The following AGAP1 variants were observed in gnomAD, a reference collection of about 807,000 sequenced individuals.
AGAP1 encodes arf-GAP with GTPase, ANK repeat and PH domain-containing protein 1.
Under a neutral mutation model 105.3 loss-of-function variants are expected in AGAP1, and 29 were observed. The observed-to-expected ratio is 0.28, with a 90% CI of 0.21 to 0.38. AGAP1 has a LOEUF of 0.38. Among genes scored for constraint, AGAP1 ranks in the 10% least tolerant of loss-of-function variants. The probability of loss-of-function intolerance (pLI) is 1.00; values close to 1 mark genes in which losing one functional copy is unlikely to be tolerated. For synonymous variants in AGAP1, 509 were observed against 485.9 expected, an observed-to-expected ratio of 1.05 and a Z score of -0.63; for missense variants, 998 against 1,165.1, an observed-to-expected ratio of 0.86 and a Z score of 2.09.
intron 1 of AGAP1, among the ~76,000 whole-genome samples, chr2:235,604,074 A>ATT (rs58547716): frequency 1.5e-4 from 22 of 149,246 alleles, no homozygotes; most frequent in Non-Finnish European, 2.4e-4. Context: ...TTATTTGCTC[A>ATT]TTTTTTTTTT....
At position 236,035,780 on chromosome 2, in the gene AGAP1, T is replaced by C. The variant is rs1405378795; in HGVS notation, c.1646-781T>C. ...TGTCTCCTATGGACCAGGTCCCAAGTCCGCATGGGTCTGTACACTTCATGG... is the reference window on the plus strand; with the variant it reads ...TGTCTCCTATGGACCAGGTCCCAAGCCCGCATGGGTCTGTACACTTCATGG... On this transcript the variant is annotated intron_variant, in intron 13 of 17. Transcript: ENST00000304032. This position sits in a 1 kb window ranked among gnomAD's most constrained non-coding sequence, Gnocchi z 4.2. Among the ~76,000 whole-genome samples, 3 of 152,120 alleles carry C rather than the reference T, an allele frequency of 2.0e-5. No individual in the cohort carries two copies. In the East Asian group the frequency reaches 5.8e-4, roughly 29 times the overall value.
Position 235,504,529 on chromosome 2 carries a change from G to T in AGAP1, c.163+9680G>T, listed in dbSNP as rs530404087. Among the ~76,000 whole-genome samples, 3 of 152,180 alleles carry T rather than the reference G, an allele frequency of 2.0e-5. No individual in the cohort carries two copies. In the South Asian group the frequency reaches 6.2e-4, roughly 32 times the overall value. ...TGGCTGCCTGTTTCGGGGGCTGTCA[G>T]TGTTTGAGTGGCTGCCTGTTTTGGG... is the stretch of plus-strand genomic sequence containing the variant. On this transcript the variant is annotated intron_variant, in intron 1 of 17. Transcript: ENST00000304032.
chr2:235,770,080 C>T (rs1955301152), intron 6 of AGAP1, among the ~76,000 whole-genome samples: 2 of 151,794 alleles, frequency 1.3e-5, no homozygotes, highest in Admixed American at 6.6e-5. Context: ...TATAATCCCA[C>T]CTCCTAGTAA....
intron 16 of AGAP1, among the ~76,000 whole-genome samples, chr2:236,068,763 G>A (rs1411030991): frequency 5.5e-4 from 75 of 135,752 alleles, no homozygotes; most frequent in Admixed American, 1.5e-3. Context: ...TCGCGCCACT[G>A]CACTCCAGCC....
intron 9 of AGAP1, among the ~76,000 whole-genome samples, chr2:235,808,743 G>A (rs907158178): frequency 2.6e-5 from 4 of 152,146 alleles, no homozygotes; most frequent in East Asian, 1.9e-4. Context: ...CTACTGGGCC[G>A]CAAATATATG....
In AGAP1 at chr2:236,124,176, A is replaced by T; in HGVS notation, c.*54A>T. 1 of 1,584,858 alleles carries T rather than the reference A, an allele frequency of 6.3e-7. No individual in the cohort carries two copies. The highest frequency in any genetic ancestry group is 1.7e-5 in the Admixed American group (1 of 57,768). On this transcript the variant is annotated 3_prime_UTR_variant, in exon 18 of 18. Coordinates refer to ENST00000304032, the MANE Select transcript of AGAP1 (RefSeq NM_001037131.3). This position sits in a 1 kb window ranked among gnomAD's most constrained non-coding sequence, Gnocchi z 5.1. ...ACCTGGGACGCGGCAGCCTCGCCGC[A>T]TTCTCGCTCAGAAGTCGCAGCACGT...
rs1946078475 is a variant in AGAP1, at chr2:235,610,132, G to A, written c.164-99047G>A. Among the ~76,000 whole-genome samples the A allele has an allele frequency of 6.6e-6, 1 of 152,118 alleles. No homozygotes were observed. Among genetic ancestry groups the A allele is most frequent in the African/African-American group, 2.4e-5 (1 of 41,424 alleles). ...GGTGACAGGCTTGTCTCCACCATTG[G>A]AGTAAGCTCCAGCCCAGCTCCTGGC... is the stretch of plus-strand genomic sequence containing the variant. On this transcript the variant is annotated intron_variant, in intron 1 of 17. Coordinates refer to ENST00000304032, the MANE Select transcript of AGAP1 (RefSeq NM_001037131.3). This position sits in a 1 kb window ranked among gnomAD's most constrained non-coding sequence, Gnocchi z 4.9.
In AGAP1 at chr2:235,739,522, G is replaced by A. The variant is rs944279897; in HGVS notation, c.311-1441G>A. Among the ~76,000 whole-genome samples, 8 of 152,220 alleles carry A rather than the reference G, an allele frequency of 5.3e-5. No homozygotes were observed. Among genetic ancestry groups the A allele is most frequent in the Non-Finnish European group, 1.2e-4 (8 of 68,038 alleles). ...TACCGTCTTGTTTCAGTGACTGGGG[G>A]GACAGCAAAATGAGAGTTTATCTGC... On this transcript the variant is annotated intron_variant, in intron 3 of 17. Coordinates refer to ENST00000304032, the MANE Select transcript of AGAP1 (RefSeq NM_001037131.3). The surrounding 1 kb of genome is among the most constrained non-coding windows in gnomAD (Gnocchi z 5.3).
rs10571046 is a variant in AGAP1 at position 235,845,602 on chromosome 2, AC to A, written c.1051-37733del. On this transcript the variant is annotated intron_variant, in intron 9 of 17. Transcript: ENST00000304032. The surrounding 1 kb of genome is among the most constrained non-coding windows in gnomAD (Gnocchi z 4.8). ...TTTCCTTCCAGTTATTCCTTTCCTG[AC>A]CCCCCCCCCGATCTGCTTTTTAATT... is the stretch of plus-strand genomic sequence containing the variant. Among the ~76,000 whole-genome samples, 22,505 of 150,596 alleles carry A rather than the reference AC, an allele frequency of 0.15. 2,040 individuals are homozygous for A. Among genetic ancestry groups the A allele is most frequent in the South Asian group, 0.23 (1,073 of 4,612 alleles).
Position 235,736,740 on chromosome 2 carries a change from C to T in AGAP1, c.311-4223C>T, listed in dbSNP as rs1483705554. Reference sequence around the variant, plus strand: ...CCGTGGTCCCAGCTACTCAGGGAGGCTGAGGTGGGAGGATCTTTTGAGCCT... The same window carrying T: ...CCGTGGTCCCAGCTACTCAGGGAGGTTGAGGTGGGAGGATCTTTTGAGCCT... On this transcript the variant is annotated intron_variant, in intron 3 of 17. Transcript: ENST00000304032. This position sits in a 1 kb window ranked among gnomAD's most constrained non-coding sequence, Gnocchi z 5.5. 6.6e-6 allele frequency among the ~76,000 whole-genome samples: 1 copy of T among 152,106 alleles called. No individual in the cohort carries two copies. Among genetic ancestry groups the T allele is most frequent in the Non-Finnish European group, 1.5e-5 (1 of 68,016 alleles).
At chr2:235,925,712 GTTT>G (rs2052414221) in intron 11 of AGAP1, among the ~76,000 whole-genome samples, 2 of 152,154 alleles carry the variant, frequency 1.3e-5, no homozygotes, top group Admixed American at 1.3e-4. Context: ...GGCCACGTGG[GTTT>G]AGGTCCCCTG....
rs1311254930 is a variant in AGAP1, at chr2:235,905,854, C to A, written c.1156-2884C>A. Reference sequence around the variant, plus strand: ...CAGCGCAGTCCTGAGAATTCCTGTGCCGCTTCCAGCTCTAGCTTTCCTTCC... The same window carrying A: ...CAGCGCAGTCCTGAGAATTCCTGTGACGCTTCCAGCTCTAGCTTTCCTTCC... On this transcript the variant is annotated intron_variant, in intron 10 of 17. Coordinates refer to ENST00000304032, the MANE Select transcript of AGAP1 (RefSeq NM_001037131.3). The surrounding 1 kb of genome is among the most constrained non-coding windows in gnomAD (Gnocchi z 4.2). 6.6e-6 allele frequency among the ~76,000 whole-genome samples: 1 copy of A among 152,252 alleles called. No homozygotes were observed. Among genetic ancestry groups the A allele is most frequent in the Non-Finnish European group, 1.5e-5 (1 of 68,050 alleles).
In AGAP1 at chr2:235,551,529, G is replaced by A. The variant is rs1018764235; in HGVS notation, c.163+56680G>A. 1.3e-5 allele frequency among the ~76,000 whole-genome samples: 2 copies of A among 152,044 alleles called. No homozygotes were observed. Among genetic ancestry groups the A allele is most frequent in the African/African-American group, 4.8e-5 (2 of 41,394 alleles). On this transcript the variant is annotated intron_variant, in intron 1 of 17. Coordinates refer to ENST00000304032, the MANE Select transcript of AGAP1 (RefSeq NM_001037131.3). The surrounding 1 kb of genome is among the most constrained non-coding windows in gnomAD (Gnocchi z 4.8). ...ACTCAGATTGGTCTCTAACTCCTGGGCTCAAGGGATACACCTACCTCAGCC... is the reference window on the plus strand; with the variant it reads ...ACTCAGATTGGTCTCTAACTCCTGGACTCAAGGGATACACCTACCTCAGCC...
chr2:235,984,925 G>A (rs370618984), intron 13 of AGAP1, among the ~76,000 whole-genome samples: 20 of 152,236 alleles, frequency 1.3e-4, no homozygotes, highest in African/African-American at 4.6e-4. Context: ...GTGTGAATGT[G>A]TTTTTATAGC....
chr2:235,810,833 CTTTTTTTTTTT>C (rs76910320), intron 9 of AGAP1, among the ~76,000 whole-genome samples: 1 of 113,130 alleles, frequency 8.8e-6, no homozygotes, highest in South Asian at 2.9e-4. Flanking sequence ...AATTCGGTTT[CTTTTTTTTTTT>C]TTTTTTTTTT....
rs1559323643 is a variant in AGAP1, at chr2:235,663,927, A to G, written c.164-45252A>G. Among the ~76,000 whole-genome samples, 1 of 151,984 alleles carries G rather than the reference A, an allele frequency of 6.6e-6. No individual in the cohort carries two copies. Among genetic ancestry groups the G allele is most frequent in the East Asian group, 1.9e-4 (1 of 5,172 alleles). On this transcript the variant is annotated intron_variant, in intron 1 of 17. Transcript: ENST00000304032. This position sits in a 1 kb window ranked among gnomAD's most constrained non-coding sequence, Gnocchi z 5.4. ...TAGGAAGATTAGATAATGTGTAGGGATTTCTTGGTTTTTCTGCACAAAAGC... is the reference window on the plus strand; with the variant it reads ...TAGGAAGATTAGATAATGTGTAGGGGTTTCTTGGTTTTTCTGCACAAAAGC...
Position 236,036,416 on chromosome 2 carries a change from C to G in AGAP1, c.1646-145C>G. On this transcript the variant is annotated intron_variant, in intron 13 of 17. Coordinates refer to ENST00000304032, the MANE Select transcript of AGAP1 (RefSeq NM_001037131.3). The surrounding 1 kb of genome is among the most constrained non-coding windows in gnomAD (Gnocchi z 5.7). ...TTGGGAGGTGCATGGATTCAAATCTCCGCCGCCGTGGTTGTCCAGTGCCGT... is the reference window on the plus strand; with the variant it reads ...TTGGGAGGTGCATGGATTCAAATCTGCGCCGCCGTGGTTGTCCAGTGCCGT... 9.3e-7 allele frequency: 1 copy of G among 1,078,014 alleles called. No individual in the cohort carries two copies. The highest frequency in any genetic ancestry group is 1.3e-6 in the Non-Finnish European group (1 of 751,260). 66.8% of individuals were successfully genotyped at this position (1,078,014 alleles called of 1,614,324 possible). A position where few individuals can be genotyped will look rare whatever the true frequency, so the allele number is the denominator to read the frequency against.
At chr2:235,829,368 T>A (rs1431816452) in intron 9 of AGAP1, among the ~76,000 whole-genome samples, 8 of 152,226 alleles carry the variant, frequency 5.3e-5, no homozygotes, top group Non-Finnish European at 1.2e-4. Flanking sequence ...TCACCTGTGT[T>A]TCCAAAGGGA....
In AGAP1 at chr2:235,599,031, C is replaced by G. The variant is rs149844483; in HGVS notation, c.163+104182C>G. ...GTCTGTGGTGGTGTACACAGATGAG[C>G]TCACTGCTGTCCTCGGAGCAGGTAG... On this transcript the variant is annotated intron_variant, in intron 1 of 17. Coordinates refer to ENST00000304032, the MANE Select transcript of AGAP1 (RefSeq NM_001037131.3). This position sits in a 1 kb window ranked among gnomAD's most constrained non-coding sequence, Gnocchi z 5.3. Among the ~76,000 whole-genome samples, 288 of 152,284 alleles carry G rather than the reference C, an allele frequency of 1.9e-3. No individual in the cohort carries two copies. The highest frequency in any genetic ancestry group is 6.7e-3 in the African/African-American group (277 of 41,558).
Sources: gnomAD v4.1 joint callset for allele counts (sites outside exome capture counted in the v4.1 genomes callset) on GRCh38, gnomAD v4.1.1 for gene constraint, Gnocchi (gnomAD v3.1) non-coding constraint, MANE v1.5 for transcripts, NCBI Gene and HGNC (gene_info 2026-07-23, HGNC 2026-07-21) for gene names.